The following PPP2R5C variants were observed in gnomAD, a reference collection of about 807,000 sequenced individuals.
PPP2R5C encodes serine/threonine-protein phosphatase 2A 56 kDa regulatory subunit gamma isoform.
PPP2R5C carries 7 observed loss-of-function variants against 68.9 expected under a neutral mutation model. The ratio of observed to expected loss-of-function variants is 0.10; its 90% CI spans 0.06 to 0.19. PPP2R5C has a LOEUF of 0.19. PPP2R5C is among the 10% of genes least tolerant of loss of function. The probability of loss-of-function intolerance (pLI) is 1.00; values close to 1 mark genes in which losing one functional copy is unlikely to be tolerated. For synonymous variants in PPP2R5C, 210 were observed against 222.2 expected (o/e 0.95, Z 0.49); for missense variants, 348 against 641.3 (o/e 0.54, Z 4.94).
At position 101,825,553 on chromosome 14, in the gene PPP2R5C, C is replaced by T. The variant is rs771381793; in HGVS notation, c.94+15517C>T. ...AGGGCAACAGAACACAGCATGCAGG[C>T]GGAACTGTGCAGGTCAGTCACCACT... On this transcript the variant is annotated intron_variant, in intron 1 of 13. Transcript: ENST00000334743. This position sits in a 1 kb window ranked among gnomAD's most constrained non-coding sequence, Gnocchi z 4.0. 1.1e-4 allele frequency among the ~76,000 whole-genome samples: 17 copies of T among 152,144 alleles called. No individual in the cohort carries two copies. The highest frequency in any genetic ancestry group is 3.9e-4 in the African/African-American group (16 of 41,432).
At chr14:101,909,535 G>C in intron 10 of PPP2R5C, 54 bp from the exon 13 acceptor site, 1 of 1,270,440 alleles carries the variant, frequency 7.9e-7, no homozygotes. Context: ...GTGGAGAGGC[G>C]AGGGCTCAGC....
chr14:101,836,313 T>C (rs1566887678), intron 1 of PPP2R5C: 7 of 702,548 alleles, frequency 1.0e-5, no homozygotes, highest in Non-Finnish European at 1.6e-5. Context: ...GCTGCCAGCC[T>C]TCTCCCCTGC....
At chr14:101,850,953 T>C (rs2042123586) in intron 1 of PPP2R5C, among the ~76,000 whole-genome samples, 1 of 152,228 alleles carries the variant, frequency 6.6e-6, no homozygotes, top group Admixed American at 6.5e-5. Flanking sequence ...TAGTTCAACT[T>C]TGTTCCTACT....
intron 13 of PPP2R5C, among the ~76,000 whole-genome samples, chr14:101,924,555 G>A (rs2047195132): frequency 6.6e-6 from 1 of 150,820 alleles, no homozygotes; most frequent in Non-Finnish European, 1.5e-5. Context: ...CGATTCTCCT[G>A]CCCCAGCCTT....
Position 101,882,060 on chromosome 14 carries a change from A to T in PPP2R5C, c.295-101A>T, listed in dbSNP as rs1595459740. ...GAGGATACGGAGGAGCTAAGTTACC[A>T]TGGGAAGCGGCTACTGTTAGAATTA... On this transcript the variant is annotated intron_variant, in intron 2 of 13. Coordinates refer to ENST00000334743, the Ensembl canonical transcript of PPP2R5C. The surrounding 1 kb of genome is among the most constrained non-coding windows in gnomAD (Gnocchi z 4.9). 4.2e-6 allele frequency: 4 copies of T among 962,112 alleles called. No homozygotes were observed. The highest frequency in any genetic ancestry group is 3.2e-4 in the Middle Eastern group (1 of 3,144). 59.6% of individuals were successfully genotyped at this position (962,112 alleles called of 1,614,324 possible).
intron 11 of PPP2R5C, among the ~76,000 whole-genome samples, chr14:101,910,401 A>G (rs983084618): frequency 1.3e-5 from 2 of 151,212 alleles, no homozygotes; most frequent in African/African-American, 4.9e-5. Context: ...GTGTGTATCT[A>G]TGTGTGTGTG....
rs1595278608 is a variant in PPP2R5C at position 101,825,032 on chromosome 14, CGAGAGCAGTT to C, written c.94+14997_94+15006del. 1 of 152,136 alleles carries C rather than the reference CGAGAGCAGTT, an allele frequency of 6.6e-6. No individual in the cohort carries two copies. Among genetic ancestry groups the C allele is most frequent in the Non-Finnish European group, 1.5e-5 (1 of 68,066 alleles). 9.4% of individuals were successfully genotyped at this position (152,136 alleles called of 1,614,324 possible). A position where few individuals can be genotyped will look rare whatever the true frequency, so the allele number is the denominator to read the frequency against. On this transcript the variant is annotated intron_variant, in intron 1 of 13. Coordinates refer to ENST00000334743, the Ensembl canonical transcript of PPP2R5C. This position sits in a 1 kb window ranked among gnomAD's most constrained non-coding sequence, Gnocchi z 4.0. ...TTATGACTGATGAAAGGAGAGCAGCCGAGAGCAGTTAAGTGGAAGGCAAGACGCAGCAGTG... is the reference window on the plus strand; with the variant it reads ...TTATGACTGATGAAAGGAGAGCAGCCAAGTGGAAGGCAAGACGCAGCAGTG...
intron 11 of PPP2R5C, among the ~76,000 whole-genome samples, chr14:101,911,511 C>G (rs1200459315): frequency 6.6e-6 from 1 of 152,190 alleles, no homozygotes; most frequent in African/African-American, 2.4e-5. Context: ...CTTCTGATGG[C>G]AGATCCTCCT....
chr14:101,798,088 A>G (rs1214213895), intron 3 of PPP2R5C, among the ~76,000 whole-genome samples: 3 of 151,990 alleles, frequency 2.0e-5, no homozygotes, highest in African/African-American at 4.8e-5. Flanking sequence ...AGTGAAGCCA[A>G]TTTTTTTAGG....
At chr14:101,780,480 G>C (rs531760461) in intron 2 of PPP2R5C, among the ~76,000 whole-genome samples, 47 of 152,292 alleles carry the variant, frequency 3.1e-4, no homozygotes, top group South Asian at 1.2e-3. Context: ...TCGCCGCTTG[G>C]GGGGAGGGGC....
rs1045888032 is a variant in PPP2R5C, at chr14:101,882,565, A to C, written c.405+294A>C. 1.5e-5 allele frequency: 4 copies of C among 262,106 alleles called. No homozygotes were observed. The highest frequency in any genetic ancestry group is 8.9e-5 in the African/African-American group (4 of 45,066). The allele number at this position is 262,106 out of a possible 1,614,324, so 16.2% of individuals were successfully genotyped here. A position where few individuals can be genotyped will look rare whatever the true frequency, so the allele number is the denominator to read the frequency against. On this transcript the variant is annotated intron_variant, in intron 3 of 13. Transcript: ENST00000334743. This position sits in a 1 kb window ranked among gnomAD's most constrained non-coding sequence, Gnocchi z 4.9. ...TCAGGCCCAGAGGTCCTAAGCCAAC[A>C]ATCTCCCAGTTTTTGCTCCTCATAT...
chr14:101,908,804 A>G (rs778040717), intron 10 of PPP2R5C, among the ~76,000 whole-genome samples: 3 of 152,040 alleles, frequency 2.0e-5, no homozygotes, highest in Non-Finnish European at 2.9e-5. Context: ...ATCCCCGCCC[A>G]TTGCAAAGAA....
At chr14:101,851,592 G>A (rs1256568132) in intron 1 of PPP2R5C, among the ~76,000 whole-genome samples, 2 of 152,110 alleles carry the variant, frequency 1.3e-5, no homozygotes, top group Non-Finnish European at 2.9e-5. Context: ...ACATTCTGGG[G>A]TATCTTTTGA....
upstream of PPP2R5C, among the ~76,000 whole-genome samples, chr14:101,809,405 C>CAA (rs375238074): frequency 7.3e-6 from 1 of 136,924 alleles, no homozygotes; most frequent in East Asian, 2.1e-4. Context: ...AAAAAAAAAA[C>CAA]AAAAAAAAAA....
intron 3 of PPP2R5C, among the ~76,000 whole-genome samples, chr14:101,789,340 C>G (rs1451807951): frequency 1.3e-5 from 2 of 152,222 alleles, no homozygotes; most frequent in Non-Finnish European, 2.9e-5. Context: ...TGGTAAGCAG[C>G]CTTTGCAAGG....
chr14:101,880,108 T>C (rs1478472464), intron 2 of PPP2R5C, among the ~76,000 whole-genome samples: 1 of 152,164 alleles, frequency 6.6e-6, no homozygotes, highest in Non-Finnish European at 1.5e-5. Context: ...TGCAGTGCCC[T>C]ATACACACAC....
At position 101,883,577 on chromosome 14, in the gene PPP2R5C, G is replaced by C. The variant is rs899656993; in HGVS notation, c.629+15G>C. On this transcript the variant is annotated intron_variant, in intron 5 of 13. Coordinates refer to ENST00000334743, the Ensembl canonical transcript of PPP2R5C. The stretch of plus-strand genomic sequence containing the variant: ...ATATTTTATAGGTAAGTCACGTGTG[G>C]ATGGCGTTGTCCTTGTGTGTGGTGA... 1 of 1,610,950 alleles carries C rather than the reference G, an allele frequency of 6.2e-7. No homozygotes were observed. Among genetic ancestry groups the C allele is most frequent in the Non-Finnish European group, 8.5e-7 (1 of 1,179,068 alleles).
Position 101,891,588 on chromosome 14 carries a change from GCCGTGTGCGTAGGGCCC to G in PPP2R5C, c.689+1301_689+1317del, listed in dbSNP as rs917778198. ...TGACATGTGTTCCACAGCCCGCCAT[GCCGTGTGCGTAGGGCCC>G]CCGTGTGCATAGGGCCGCCGGGCAG... is the stretch of plus-strand genomic sequence containing the variant. On this transcript the variant is annotated intron_variant, in intron 6 of 13. Transcript: ENST00000334743. This position sits in a 1 kb window ranked among gnomAD's most constrained non-coding sequence, Gnocchi z 4.9. 2.6e-5 allele frequency among the ~76,000 whole-genome samples: 4 copies of G among 152,144 alleles called. No individual in the cohort carries two copies. Among genetic ancestry groups the G allele is most frequent in the Non-Finnish European group, 5.9e-5 (4 of 68,014 alleles).
At chr14:101,881,619 A>G (rs1467938069) in intron 2 of PPP2R5C, among the ~76,000 whole-genome samples, 1 of 152,150 alleles carries the variant, frequency 6.6e-6, no homozygotes, top group East Asian at 1.9e-4. Context: ...TTCTCTGGAA[A>G]TGATCTTAGC....
Sources: gnomAD v4.1 joint callset for allele counts (sites outside exome capture counted in the v4.1 genomes callset) on GRCh38, gnomAD v4.1.1 for gene constraint, Gnocchi (gnomAD v3.1) non-coding constraint, MANE v1.5 for transcripts, NCBI Gene and HGNC (gene_info 2026-07-23, HGNC 2026-07-21) for gene names.